OTUD7A: variants seen among roughly 807,000 people sequenced by gnomAD.
OTUD7A encodes OTU domain-containing protein 7A.
In OTUD7A, 12 loss-of-function variants were observed where a neutral mutation model predicts 65.7. That is an observed-to-expected ratio of 0.18 (90% CI 0.12 to 0.30). The LOEUF is 0.30. Ranked by LOEUF, OTUD7A falls within the 10% of genes least tolerant of loss-of-function variation. OTUD7A has a pLI of 1.00. For synonymous variants in OTUD7A, 641 were observed against 586.3 expected (o/e 1.09, Z -1.35); for missense variants, 1,148 against 1,304.8 (o/e 0.88, Z 1.85).
intron 3 of OTUD7A, among the ~76,000 whole-genome samples, chr15:31,625,644 A>G (rs1361081275): frequency 6.6e-6 from 1 of 152,194 alleles, no homozygotes; most frequent in Non-Finnish European, 1.5e-5. Flanking sequence ...GGATCCAGAG[A>G]GTTCACTCAT....
At chr15:31,676,323 C>G (rs1236188685) in intron 1 of OTUD7A, among the ~76,000 whole-genome samples, 2 of 151,876 alleles carry the variant, frequency 1.3e-5, no homozygotes, top group African/African-American at 2.4e-5. Context: ...TGTGCTCAGC[C>G]CCATGTAGTA....
chr15:31,535,260 G>A (rs890177854), intron 5 of OTUD7A, among the ~76,000 whole-genome samples: 1 of 152,138 alleles, frequency 6.6e-6, no homozygotes. Flanking sequence ...GATAGTGAGT[G>A]AGTTCTCATG....
At chr15:31,826,321 G>A (rs1896796759) in intron 1 of OTUD7A, among the ~76,000 whole-genome samples, 1 of 152,230 alleles carries the variant, frequency 6.6e-6, no homozygotes, top group East Asian at 1.9e-4. Flanking sequence ...TGTACCCACA[G>A]ACTCAGCACC....
intron 1 of OTUD7A, among the ~76,000 whole-genome samples, chr15:31,694,145 G>C (rs1189907692): frequency 6.6e-6 from 1 of 152,132 alleles, no homozygotes; most frequent in Non-Finnish European, 1.5e-5. Context: ...CCAGAGTGGC[G>C]CTCAGAAGCC....
chr15:31,553,751 A>G (rs956927871), intron 5 of OTUD7A, among the ~76,000 whole-genome samples: 1 of 151,276 alleles, frequency 6.6e-6, no homozygotes, highest in Non-Finnish European at 1.5e-5. Flanking sequence ...GTGTCTCTCT[A>G]CTGCCCCTCA....
In OTUD7A at chr15:31,600,203, C is replaced by T. The variant is rs368030308; in HGVS notation, c.152-30006G>A. On this transcript the variant is annotated intron_variant, in intron 3 of 12. Coordinates refer to ENST00000307050, the MANE Select transcript of OTUD7A (RefSeq NM_001382637.1). ...GACACATAATCCCAAGATACATAAT[C>T]GTCAGATTCACCAAGGTTGAAATGC... 1.5e-4 allele frequency among the ~76,000 whole-genome samples: 23 copies of T among 152,032 alleles called. No individual in the cohort carries two copies. The East Asian group carries it at 2.5e-3, about 17-fold the overall frequency.
At chr15:31,815,009 T>C (rs1896511602) in intron 1 of OTUD7A, among the ~76,000 whole-genome samples, 3 of 152,286 alleles carry the variant, frequency 2.0e-5, no homozygotes, top group Middle Eastern at 3.4e-3. Context: ...GTCCCTGCCA[T>C]GTTCCCTGAC....
chr15:31,781,322 TGA>T (rs1895533842), intron 1 of OTUD7A, among the ~76,000 whole-genome samples: 1 of 152,142 alleles, frequency 6.6e-6, no homozygotes, highest in Non-Finnish European at 1.5e-5. Context: ...AGGCCACATG[TGA>T]GCACTCCAGT....
intron 1 of OTUD7A, among the ~76,000 whole-genome samples, chr15:31,865,223 A>G (rs1897847599): frequency 6.6e-6 from 1 of 152,258 alleles, no homozygotes; most frequent in African/African-American, 2.4e-5. Context: ...TTGGATGTCA[A>G]ACAATTTTTG....
At chr15:31,819,817 T>C (rs1447022245) in intron 1 of OTUD7A, among the ~76,000 whole-genome samples, 5 of 151,948 alleles carry the variant, frequency 3.3e-5, no homozygotes, top group South Asian at 4.1e-4. Flanking sequence ...AATGTATCAG[T>C]ATATATGTTA....
intron 1 of OTUD7A, among the ~76,000 whole-genome samples, chr15:31,747,032 C>A (rs1014088618): frequency 1.3e-5 from 2 of 152,092 alleles, no homozygotes; most frequent in African/African-American, 4.8e-5. Flanking sequence ...AAAATACTAC[C>A]ACACAAATGT....
In OTUD7A at chr15:31,498,617, C is replaced by G. The variant is rs1198645730; in HGVS notation, c.1171+3073G>C. On this transcript the variant is annotated intron_variant, in intron 10 of 12. Coordinates refer to ENST00000307050, the MANE Select transcript of OTUD7A (RefSeq NM_001382637.1). This position sits in a 1 kb window ranked among gnomAD's most constrained non-coding sequence, Gnocchi z 4.2. Reference sequence around the variant, plus strand: ...CTGAGCTGGGTGCTGAGAGAATGCCCAGATCTGGGTTTCACAGAGCTCCCC... The same window carrying G: ...CTGAGCTGGGTGCTGAGAGAATGCCGAGATCTGGGTTTCACAGAGCTCCCC... Among the ~76,000 whole-genome samples the G allele has an allele frequency of 6.6e-6, 1 of 152,090 alleles. No individual in the cohort carries two copies. Among genetic ancestry groups the G allele is most frequent in the Admixed American group, 6.6e-5 (1 of 15,264 alleles).
intron 1 of OTUD7A, among the ~76,000 whole-genome samples, chr15:31,857,298 T>A (rs942145955): frequency 6.6e-6 from 1 of 152,104 alleles, no homozygotes; most frequent in Non-Finnish European, 1.5e-5. Context: ...AGATGTCACA[T>A]ACAGGGACAC....
chr15:31,865,489 G>A (rs1344124776), intron 1 of OTUD7A, among the ~76,000 whole-genome samples: 5 of 152,210 alleles, frequency 3.3e-5, no homozygotes, highest in Non-Finnish European at 7.3e-5. Context: ...GACATGACAG[G>A]CTAACAGGCT....
chr15:31,647,485 T>G (rs894037589), intron 3 of OTUD7A, among the ~76,000 whole-genome samples: 1 of 152,246 alleles, frequency 6.6e-6, no homozygotes. Flanking sequence ...TACCTCGTCA[T>G]AGAAACTTCT....
At chr15:31,795,793 C>T (rs1895936010) in intron 1 of OTUD7A, among the ~76,000 whole-genome samples, 1 of 152,294 alleles carries the variant, frequency 6.6e-6, no homozygotes, top group South Asian at 2.1e-4. Context: ...ATGCTTGGGC[C>T]TTTGTGGGCC....
At chr15:31,581,887 C>A (rs745405520) in intron 3 of OTUD7A, among the ~76,000 whole-genome samples, 18 of 152,234 alleles carry the variant, frequency 1.2e-4, no homozygotes, top group Non-Finnish European at 1.9e-4. Flanking sequence ...AGTTTCCCCC[C>A]AGATAATGGG....
intron 3 of OTUD7A, among the ~76,000 whole-genome samples, chr15:31,606,207 T>C (rs1890234484): frequency 6.6e-6 from 1 of 152,212 alleles, no homozygotes; most frequent in African/African-American, 2.4e-5. Context: ...TTGCTAGATA[T>C]GCAGGGTTGT....
Position 31,604,359 on chromosome 15 carries a change from C to A in OTUD7A, c.152-34162G>T, listed in dbSNP as rs1297394178. On this transcript the variant is annotated intron_variant, in intron 3 of 12. Coordinates refer to ENST00000307050, the MANE Select transcript of OTUD7A (RefSeq NM_001382637.1). ...TAACACAAGAACAGAAAACCAAACA[C>A]CGCATTTTCTCACTCATAAGTGGGA... Among the ~76,000 whole-genome samples the A allele has an allele frequency of 3.3e-5, 5 of 152,110 alleles. No homozygotes were observed. The South Asian group carries it at 1.0e-3, about 32-fold the overall frequency.
Sources: allele counts gnomAD v4.1 joint callset (sites outside exome capture counted in the v4.1 genomes callset), GRCh38; gene constraint gnomAD v4.1.1; non-coding constraint Gnocchi (gnomAD v3.1); transcripts MANE v1.5; gene names NCBI Gene and HGNC (gene_info 2026-07-23, HGNC 2026-07-21).